The following RYR2 variants were observed in gnomAD, a reference collection of about 807,000 sequenced individuals.
RYR2 encodes the protein cardiac muscle ryanodine receptor-calcium release channel.
Under a neutral mutation model 601.1 loss-of-function variants are expected in RYR2, and 227 were observed. That is an observed-to-expected ratio of 0.38 (90% CI 0.34 to 0.42). The LOEUF (loss-of-function observed/expected upper bound fraction) is 0.42. Ranked by LOEUF, RYR2 falls within the 10% of genes least tolerant of loss-of-function variation. The probability of loss-of-function intolerance (pLI) is 1.00; values close to 1 mark genes in which losing one functional copy is unlikely to be tolerated. For synonymous variants in RYR2, 2,223 were observed against 2,175.1 expected (o/e 1.02, Z -0.61); for missense variants, 4,646 against 6,156.5 (o/e 0.75, Z 8.21).
At position 237,638,523 on chromosome 1, in the gene RYR2, T is replaced by A. The variant is rs750577493; in HGVS notation, c.6928+31T>A. The A allele has an allele frequency of 1.2e-5, 20 of 1,610,140 alleles. No individual in the cohort carries two copies. In the South Asian group the frequency reaches 2.2e-4, roughly 18 times the overall value. On this transcript the variant is annotated intron_variant, in intron 45 of 104. Coordinates refer to ENST00000366574, the MANE Select transcript of RYR2 (RefSeq NM_001035.3). ...ACTTGATTTCTTGAGGTCTTTTGAG[T>A]TATCATTAAAACTGCATAGAGATAT...
At chr1:237,314,024 CAAA>C (rs373360513) in intron 2 of RYR2, among the ~76,000 whole-genome samples, 187 of 43,886 alleles carry the variant, frequency 4.3e-3, no homozygotes, top group Non-Finnish European at 6.9e-3. Context: ...AGAAACTCAG[CAAA>C]AAAAAAAAAA....
intron 79 of RYR2, among the ~76,000 whole-genome samples, chr1:237,740,145 G>A (rs934731026): frequency 6.6e-6 from 1 of 152,110 alleles, no homozygotes; most frequent in Non-Finnish European, 1.5e-5. Flanking sequence ...TCTATGTCAC[G>A]TGGATGCCAT....
At chr1:237,049,122 AC>A (rs1660943222) in intron 1 of RYR2, among the ~76,000 whole-genome samples, 1 of 152,162 alleles carries the variant, frequency 6.6e-6, no homozygotes, top group Non-Finnish European at 1.5e-5. Context: ...GGGAGGGGAC[AC>A]CCGGAGAAGG....
chr1:237,424,097 A>T (rs949017019), intron 12 of RYR2, among the ~76,000 whole-genome samples: 1 of 152,084 alleles, frequency 6.6e-6, no homozygotes, highest in Non-Finnish European at 1.5e-5. Flanking sequence ...TCGCCCCATG[A>T]TCCAGTCACG....
chr1:237,803,326 CA>C (rs1660197754), intron 98 of RYR2, among the ~76,000 whole-genome samples: 2 of 126,080 alleles, frequency 1.6e-5, no homozygotes, highest in Non-Finnish European at 3.3e-5. Flanking sequence ...TTTTTTGAGA[CA>C]GAGTCTTGCA....
chr1:237,643,676 A>C (rs4542202), intron 48 of RYR2, among the ~76,000 whole-genome samples: 4 of 151,016 alleles, frequency 2.6e-5, no homozygotes, highest in African/African-American at 9.7e-5. Flanking sequence ...GCAGTGGCAC[A>C]ATCTTGGCTC....
intron 1 of RYR2, 31 bp downstream of exon 1, chr1:237,042,600 G>A (rs1222259333): frequency 7.2e-6 from 9 of 1,254,454 alleles, no homozygotes; most frequent in Non-Finnish European, 8.1e-6. Flanking sequence ...GTGCTGTCAG[G>A]GGAAGGGGGC....
At chr1:237,217,652 T>C (rs7524531) in intron 1 of RYR2, among the ~76,000 whole-genome samples, 2,468 of 152,056 alleles carry the variant, frequency 0.016, 59 homozygotes, top group African/African-American at 0.057. Flanking sequence ...GTGGTGATAA[T>C]ACGTGTATGA....
intron 63 of RYR2, among the ~76,000 whole-genome samples, chr1:237,695,400 G>A (rs2149004374): frequency 6.6e-6 from 1 of 152,284 alleles, no homozygotes; most frequent in East Asian, 1.9e-4. Flanking sequence ...AGTGCTCAGA[G>A]GTGATGAGAG....
At chr1:237,767,293 T>C (rs960798298) in intron 84 of RYR2, among the ~76,000 whole-genome samples, 4 of 152,298 alleles carry the variant, frequency 2.6e-5, no homozygotes, top group African/African-American at 7.2e-5. Context: ...TTACTGATGG[T>C]AACTTTACAA....
At chr1:237,058,680 C>A (rs955750951) in intron 1 of RYR2, among the ~76,000 whole-genome samples, 2 of 151,692 alleles carry the variant, frequency 1.3e-5, no homozygotes, top group Non-Finnish European at 2.9e-5. Flanking sequence ...ACTTTTGGAG[C>A]CAGGGCGGGC....
intron 48 of RYR2, among the ~76,000 whole-genome samples, chr1:237,644,752 C>A (rs1471171101): frequency 6.6e-6 from 1 of 151,940 alleles, no homozygotes. Context: ...TAATTAGGGG[C>A]CAGGCGTAGT....
At chr1:237,369,511 C>CCTTTTTT in intron 5 of RYR2, 23 bp from the exon 6 acceptor site, 1 of 1,546,302 alleles carries the variant, frequency 6.5e-7, no homozygotes. Context: ...CTCTTGTTCT[C>CCTTTTTT]CTTTTTTCTC....
chr1:237,324,268 G>C (rs775347322), intron 2 of RYR2, among the ~76,000 whole-genome samples: 1 of 152,160 alleles, frequency 6.6e-6, no homozygotes, highest in Non-Finnish European at 1.5e-5. Flanking sequence ...TCTGGTAAGT[G>C]ACATTTTGCC....
intron 35 of RYR2, among the ~76,000 whole-genome samples, chr1:237,609,512 G>A (rs1677576841): frequency 6.6e-6 from 1 of 152,034 alleles, no homozygotes; most frequent in South Asian, 2.1e-4. Context: ...TGGGACTACA[G>A]GAACATGCCA....
intron 46 of RYR2, among the ~76,000 whole-genome samples, chr1:237,639,612 T>C (rs1051885859): frequency 1.1e-4 from 16 of 152,168 alleles, no homozygotes; most frequent in African/African-American, 3.6e-4. Flanking sequence ...GACTAAACTG[T>C]TATGGTGGTA....
intron 1 of RYR2, among the ~76,000 whole-genome samples, chr1:237,063,369 A>G (rs1489100847): frequency 1.3e-5 from 2 of 152,060 alleles, no homozygotes; most frequent in Non-Finnish European, 2.9e-5. Context: ...TCTTTAGATT[A>G]ATATTTATTA....
intron 80 of RYR2, among the ~76,000 whole-genome samples, chr1:237,753,382 A>G (rs773723048): frequency 2.0e-5 from 3 of 152,218 alleles, no homozygotes; most frequent in Non-Finnish European, 4.4e-5. Flanking sequence ...AAGTGTTAAA[A>G]GCTTGACACA....
intron 89 of RYR2, among the ~76,000 whole-genome samples, chr1:237,782,124 C>G (rs917958353): frequency 6.6e-6 from 1 of 151,148 alleles, no homozygotes; most frequent in South Asian, 2.1e-4. Flanking sequence ...CTCCCCACCA[C>G]AGCCTCAGTT....
Sources: gnomAD v4.1 joint callset for allele counts (sites outside exome capture counted in the v4.1 genomes callset) on GRCh38, gnomAD v4.1.1 for gene constraint, MANE v1.5 for transcripts, NCBI Gene and HGNC (gene_info 2026-07-23, HGNC 2026-07-21) for gene names.